PLEKHG3: variants seen among roughly 807,000 people sequenced by gnomAD.
PLEKHG3 encodes the protein pleckstrin homology domain-containing family G member 3.
In PLEKHG3, 62 loss-of-function variants were observed where a neutral mutation model predicts 94.9. The observed-to-expected ratio is 0.65, with a 90% CI of 0.53 to 0.81. The LOEUF is 0.81. Ranked by LOEUF, PLEKHG3 falls within the 30% of genes least tolerant of loss-of-function variation. The pLI, the probability that PLEKHG3 is intolerant of heterozygous loss-of-function variation, is 0.00. For missense variants in PLEKHG3, 1,461 were observed against 1,619.3 expected (o/e 0.90, Z 1.68); for synonymous variants, 614 against 654.0 (o/e 0.94, Z 0.93).
At position 64,737,977 on chromosome 14, in the gene PLEKHG3, T is replaced by TGGAGGAGGA. The variant is rs376123381; in HGVS notation, c.1404+621_1404+629dup. 2,588 of 1,195,860 alleles carry TGGAGGAGGA rather than the reference T, an allele frequency of 2.2e-3. 18 individuals carry two copies. The African/African-American group carries it at 0.023, about 11-fold the overall frequency. 74.1% of individuals were successfully genotyped at this position (1,195,860 alleles called of 1,614,324 possible). A position where few individuals can be genotyped will look rare whatever the true frequency, so the allele number is the denominator to read the frequency against. ...GAGGAAGAGGAAGAGGAGGAGGTGG[T>TGGAGGAGGA]GGAGGAGGAGGAGGAGGAGGAGGAG... On this transcript the variant is annotated intron_variant, in intron 14 of 16. Coordinates refer to ENST00000247226, the MANE Select transcript of PLEKHG3 (RefSeq NM_001308147.2).
rs562640411 is a variant in PLEKHG3, at chr14:64,726,857, C to T, written c.-39-736C>T. On this transcript the variant is annotated intron_variant, in intron 1 of 16. Transcript: ENST00000247226. This position sits in a 1 kb window ranked among gnomAD's most constrained non-coding sequence, Gnocchi z 5.1. ...AGTTTCAGGTTTGTGGTGAAGCCGCCGGTGCCCCTGAGGTTTTGCAGTCTT... is the reference window on the plus strand; with the variant it reads ...AGTTTCAGGTTTGTGGTGAAGCCGCTGGTGCCCCTGAGGTTTTGCAGTCTT... 2.6e-5 allele frequency among the ~76,000 whole-genome samples: 4 copies of T among 152,264 alleles called. No individual in the cohort carries two copies. The highest frequency in any genetic ancestry group is 6.5e-5 in the Admixed American group (1 of 15,300).
At chr14:64,724,791 G>C (rs1475527603) in intron 1 of PLEKHG3, among the ~76,000 whole-genome samples, 1 of 152,142 alleles carries the variant, frequency 6.6e-6, no homozygotes, top group Non-Finnish European at 1.5e-5. Flanking sequence ...GGGAGGCAGT[G>C]GGCAGGAGAG....
In PLEKHG3 at chr14:64,741,400, G is replaced by A. The variant is rs149456328; in HGVS notation, c.1883G>A (p.Gly628Asp). Reference sequence around the variant, plus strand: ...GCACAGGAGGACAGCAAGTCCAGTGGCTTTGGGAGCCCGCGGCTGGTCAGC... The same window carrying A: ...GCACAGGAGGACAGCAAGTCCAGTGACTTTGGGAGCCCGCGGCTGGTCAGC... ...SVAQEDSKSSGFGSPRLVSRS... is the reference protein window; with the variant it reads ...SVAQEDSKSSDFGSPRLVSRS... Residue 628 changes from glycine (G) to aspartate (D), a missense_variant, in exon 16 of 17, where the codon GGC (glycine) becomes GAC (aspartate). Around this residue, in one of 3 missense-constraint regions of PLEKHG3, gnomAD observed 1,201 missense variants for 1,295.5 expected, o/e 0.93. Transcript: ENST00000247226. The A allele has an allele frequency of 2.7e-4, 433 of 1,613,166 alleles. 1 individual carries two copies. In the African/African-American group the frequency reaches 4.9e-3, roughly 18 times the overall value.
At position 64,743,100 on chromosome 14, in the gene PLEKHG3, G is replaced by A. The variant is rs149820327; in HGVS notation, c.3057G>A (p.Pro1019=). Reference sequence around the variant, plus strand: ...CACCACAGCGTTTCTTCTTCAACCCGTCTGCTGTCAGCCAGAGGACCACCT... The same window carrying A: ...CACCACAGCGTTTCTTCTTCAACCCATCTGCTGTCAGCCAGAGGACCACCT... The part of the protein sequence containing the change: ...EMSPQRFFFN[P]SAVSQRTTSP... Residue 1019 remains proline (P), a synonymous_variant, in exon 17 of 17, where the codon CCG becomes CCA. Transcript: ENST00000247226. This position sits in a 1 kb window ranked among gnomAD's most constrained non-coding sequence, Gnocchi z 7.2. The A allele has an allele frequency of 6.8e-5, 110 of 1,612,800 alleles. No homozygotes were observed. Among genetic ancestry groups the A allele is most frequent in the Non-Finnish European group, 8.6e-5 (102 of 1,180,006 alleles).
chr14:64,742,600 G>C, intron 16 of PLEKHG3, 145 bp downstream of exon 16: 1 of 656,612 alleles, frequency 1.5e-6, no homozygotes, highest in Non-Finnish European at 2.6e-6. Flanking sequence ...AGGGCACAGG[G>C]TGAGCCCTGG....
At position 64,741,660 on chromosome 14, in the gene PLEKHG3, C is replaced by A; in HGVS notation, c.2143C>A (p.Leu715Met). 1.2e-6 allele frequency: 2 copies of A among 1,613,022 alleles called. No individual in the cohort carries two copies. The highest frequency in any genetic ancestry group is 1.7e-6 in the Non-Finnish European group (2 of 1,180,034). The change falls in exon 16 of 17, where the codon CTG becomes ATG. Residue 715 changes from leucine (L) to methionine (M), a missense_variant. By Grantham distance (15) the Leu-to-Met change is conservative. Around this residue, in one of 3 missense-constraint regions of PLEKHG3, gnomAD observed 1,201 missense variants for 1,295.5 expected, o/e 0.93. Transcript: ENST00000247226. ...KESALSTRDR[L>M]LLDKIKSYYE... ...ATCAGCACTCTCCACCCGAGACCGGCTGTTGCTAGACAAGATTAAGAGCTA... is the reference window on the plus strand; with the variant it reads ...ATCAGCACTCTCCACCCGAGACCGGATGTTGCTAGACAAGATTAAGAGCTA...
chr14:64,727,554 ATTC>A lies in PLEKHG3; in HGVS notation c.-39-38_-39-36del. On this transcript the variant is annotated intron_variant, in intron 1 of 16. Transcript: ENST00000247226. This position sits in a 1 kb window ranked among gnomAD's most constrained non-coding sequence, Gnocchi z 6.0. ...GTCCCTCTGTTCTGTTTCTGTGGGC[ATTC>A]AGAGGTTGACCCTTCATCTGTCTGT... The A allele has an allele frequency of 4.2e-6, 2 of 471,434 alleles. No individual in the cohort carries two copies. Among genetic ancestry groups the A allele is most frequent in the Non-Finnish European group, 7.7e-6 (2 of 258,226 alleles). 29.2% of individuals were successfully genotyped at this position (471,434 alleles called of 1,614,324 possible).
At position 64,741,559 on chromosome 14, in the gene PLEKHG3, C is replaced by G. The variant is rs1198508393; in HGVS notation, c.2042C>G (p.Pro681Arg). ...ISVGVATEDS[P>R]SVNGMEPPSP... ...GTGGGGGTGGCCACAGAGGACAGCC[C>G]TTCTGTCAATGGGATGGAGCCCCCA... Residue 681 changes from proline (P) to arginine (R), a missense_variant, in exon 16 of 17, where the codon CCT becomes CGT. Transcript: ENST00000247226. The G allele has an allele frequency of 1.1e-5, 17 of 1,612,882 alleles. No homozygotes were observed. The highest frequency in any genetic ancestry group is 6.6e-5 in the South Asian group (6 of 91,086).
rs369123277 is a variant in PLEKHG3 at position 64,707,929 on chromosome 14, G to A, written c.-40+3225G>A. 5.9e-5 allele frequency among the ~76,000 whole-genome samples: 9 copies of A among 152,350 alleles called. 1 individual carries two copies. Among genetic ancestry groups the A allele is most frequent in the Admixed American group, 5.2e-4 (8 of 15,306 alleles). On this transcript the variant is annotated intron_variant, in intron 1 of 16. Coordinates refer to ENST00000247226, the MANE Select transcript of PLEKHG3 (RefSeq NM_001308147.2). ...GCGGCATCATGGCAATGTACAGTGA[G>A]ATAACGTATGTTGAATGCTTAGCAA...
rs2081358715 is a variant in PLEKHG3 at position 64,726,632 on chromosome 14, G to A, written c.-39-961G>A. On this transcript the variant is annotated intron_variant, in intron 1 of 16. Coordinates refer to ENST00000247226, the MANE Select transcript of PLEKHG3 (RefSeq NM_001308147.2). The surrounding 1 kb of genome is among the most constrained non-coding windows in gnomAD (Gnocchi z 5.1). ...ATAAAGTCCACCTGAGGCTCTGTTT[G>A]CCTCACCTGGGTGCAGTTTACTGCT... Among the ~76,000 whole-genome samples the A allele has an allele frequency of 6.6e-6, 1 of 152,142 alleles. No homozygotes were observed. The highest frequency in any genetic ancestry group is 1.9e-4 in the East Asian group (1 of 5,190).
At position 64,732,187 on chromosome 14, in the gene PLEKHG3, T is replaced by C. The variant is rs2081481160; in HGVS notation, c.1212+6T>C. On this transcript the variant is annotated splice_donor_region_variant and intron_variant, in intron 10 of 16. Transcript: ENST00000247226. The surrounding 1 kb of genome is among the most constrained non-coding windows in gnomAD (Gnocchi z 4.9). ...ATGCCACCATTCCCCAGAAGGTGAG[T>C]TCCCCCAGCTCCTGACTGTGTGCAA... 2 of 1,608,094 alleles carry C rather than the reference T, an allele frequency of 1.2e-6. No individual in the cohort carries two copies. The highest frequency in any genetic ancestry group is 8.5e-7 in the Non-Finnish European group (1 of 1,174,650).
In PLEKHG3 at chr14:64,717,525, A is replaced by C. The variant is rs151132291; in HGVS notation, c.-39-10068A>C. On this transcript the variant is annotated intron_variant, in intron 1 of 16. Coordinates refer to ENST00000247226, the MANE Select transcript of PLEKHG3 (RefSeq NM_001308147.2). The surrounding 1 kb of genome is among the most constrained non-coding windows in gnomAD (Gnocchi z 4.7). Reference sequence around the variant, plus strand: ...AGCCCAGTTGAGAGCTGCTGGCCTGAAATTCCTCTGAGAGATTTCTTCCAT... The same window carrying C: ...AGCCCAGTTGAGAGCTGCTGGCCTGCAATTCCTCTGAGAGATTTCTTCCAT... Among the ~76,000 whole-genome samples the C allele has an allele frequency of 5.6e-4, 85 of 152,322 alleles. No individual in the cohort carries two copies. The highest frequency in any genetic ancestry group is 2.0e-3 in the African/African-American group (85 of 41,572).
intron 15 of PLEKHG3, 41 bp from the exon 16 acceptor site, chr14:64,740,995 G>A: frequency 6.7e-7 from 1 of 1,483,414 alleles, no homozygotes; most frequent in Non-Finnish European, 9.1e-7. Context: ...TCCCATGAAG[G>A]AGGCTTTTTA....
At position 64,715,418 on chromosome 14, in the gene PLEKHG3, A is replaced by G. The variant is rs893382435; in HGVS notation, c.-40+10714A>G. Reference sequence around the variant, plus strand: ...CCAGAGTGTTGTGAGGAGATTATATAGAGAATGTGTTTTGCCTTATGTCTG... The same window carrying G: ...CCAGAGTGTTGTGAGGAGATTATATGGAGAATGTGTTTTGCCTTATGTCTG... On this transcript the variant is annotated intron_variant, in intron 1 of 16. Coordinates refer to ENST00000247226, the MANE Select transcript of PLEKHG3 (RefSeq NM_001308147.2). The surrounding 1 kb of genome is among the most constrained non-coding windows in gnomAD (Gnocchi z 4.4). 1.3e-5 allele frequency among the ~76,000 whole-genome samples: 2 copies of G among 152,106 alleles called. No homozygotes were observed. Among genetic ancestry groups the G allele is most frequent in the African/African-American group, 2.4e-5 (1 of 41,398 alleles).
chr14:64,749,226 G>A lies in PLEKHG3; in HGVS notation c.*5523G>A. 1 of 1,494,742 alleles carries A rather than the reference G, an allele frequency of 6.7e-7. No homozygotes were observed. The highest frequency in any genetic ancestry group is 9.0e-7 in the Non-Finnish European group (1 of 1,112,524). 92.6% of individuals were successfully genotyped at this position (1,494,742 alleles called of 1,614,324 possible). Reference sequence around the variant, plus strand: ...CGACTCATCTCGATTCGACCGGCGGGCGGCGGCGAGAGGAGGCCAAGGCCT... The same window carrying A: ...CGACTCATCTCGATTCGACCGGCGGACGGCGGCGAGAGGAGGCCAAGGCCT... On this transcript the variant is annotated 3_prime_UTR_variant, in exon 17 of 17. Coordinates refer to ENST00000247226, the MANE Select transcript of PLEKHG3 (RefSeq NM_001308147.2). This position sits in a 1 kb window ranked among gnomAD's most constrained non-coding sequence, Gnocchi z 4.7.
At position 64,738,697 on chromosome 14, in the gene PLEKHG3, G is replaced by T; in HGVS notation, c.1405-45G>T. 7.5e-7 allele frequency: 1 copy of T among 1,334,708 alleles called. No individual in the cohort carries two copies. Among genetic ancestry groups the T allele is most frequent in the Non-Finnish European group, 1.1e-6 (1 of 948,600 alleles). 82.7% of individuals were successfully genotyped at this position (1,334,708 alleles called of 1,614,324 possible). A position where few individuals can be genotyped will look rare whatever the true frequency, so the allele number is the denominator to read the frequency against. ...CCGTGTTGGGATGCAGAAGGGATCA[G>T]CTTCCAGTTGTCTTGGAGTTGATGA... On this transcript the variant is annotated intron_variant, in intron 14 of 16. Coordinates refer to ENST00000247226, the MANE Select transcript of PLEKHG3 (RefSeq NM_001308147.2). This position sits in a 1 kb window ranked among gnomAD's most constrained non-coding sequence, Gnocchi z 4.8.
rs747938408 is a variant in PLEKHG3, at chr14:64,715,478, A to G, written c.-40+10774A>G. Among the ~76,000 whole-genome samples, 3 of 152,208 alleles carry G rather than the reference A, an allele frequency of 2.0e-5. No individual in the cohort carries two copies. The highest frequency in any genetic ancestry group is 4.4e-5 in the Non-Finnish European group (3 of 68,046). ...AATAAATGCTAGCTGAGGTTATTTC[A>G]GCCAGGCATTTGGAGAGCCACTTGT... On this transcript the variant is annotated intron_variant, in intron 1 of 16. Coordinates refer to ENST00000247226, the MANE Select transcript of PLEKHG3 (RefSeq NM_001308147.2). This position sits in a 1 kb window ranked among gnomAD's most constrained non-coding sequence, Gnocchi z 4.4.
In PLEKHG3 at chr14:64,708,856, A is replaced by G. The variant is rs574828408; in HGVS notation, c.-40+4152A>G. Among the ~76,000 whole-genome samples, 24 of 118,472 alleles carry G rather than the reference A, an allele frequency of 2.0e-4. 2 individuals carry two copies. The East Asian group carries it at 7.1e-3, about 35-fold the overall frequency. The allele number at this position is 118,472 out of a possible 152,430, so 77.7% of individuals were successfully genotyped here. On this transcript the variant is annotated intron_variant, in intron 1 of 16. Coordinates refer to ENST00000247226, the MANE Select transcript of PLEKHG3 (RefSeq NM_001308147.2). ...GTATGTCGCTGCACACTCGGCAGCC[A>G]GGCAGGCCCTGTGATGAAGGAACTT...
At chr14:64,714,854 A>G (rs1026530584) in intron 1 of PLEKHG3, among the ~76,000 whole-genome samples, 1 of 152,172 alleles carries the variant, frequency 6.6e-6, no homozygotes, top group Non-Finnish European at 1.5e-5. Flanking sequence ...ATGTTTTTAC[A>G]CAGTGGCCAA....
Sources: gnomAD v4.1 joint callset for allele counts (sites outside exome capture counted in the v4.1 genomes callset) on GRCh38, gnomAD v4.1.1 for gene constraint, gnomAD v4.1.1 regional missense constraint, Gnocchi (gnomAD v3.1) non-coding constraint, MANE v1.5 for transcripts, NCBI Gene and HGNC (gene_info 2026-07-23, HGNC 2026-07-21) for gene names.